Variants in CCDC186 observed in about 807,000 individuals in gnomAD.
CCDC186 encodes the protein coiled-coil domain-containing protein 186.
A neutral mutation model predicts 113.7 loss-of-function variants in CCDC186; 49 were observed. The ratio of observed to expected loss-of-function variants is 0.43; its 90% CI spans 0.34 to 0.55. The LOEUF is 0.55. Among genes scored for constraint, CCDC186 ranks in the 20% least tolerant of loss-of-function variants. CCDC186 has a pLI of 0.02. For synonymous variants in CCDC186, 355 were observed against 345.8 expected (o/e 1.03, Z -0.30); for missense variants, 890 against 1,011.1 (o/e 0.88, Z 1.62).
intron 3 of CCDC186, among the ~76,000 whole-genome samples, chr10:114,155,222 G>A (rs987383399): frequency 6.6e-5 from 10 of 152,100 alleles, no homozygotes; most frequent in Admixed American, 4.6e-4. Flanking sequence ...TGAACTGTGT[G>A]GAAAGTTAAT....
At chr10:114,170,722 A>G (rs190820339) in intron 1 of CCDC186, among the ~76,000 whole-genome samples, 3 of 152,260 alleles carry the variant, frequency 2.0e-5, no homozygotes, top group Admixed American at 2.0e-4. Context: ...TATGAGACCA[A>G]GGTTATTTAT....
At chr10:114,148,415 G>T (rs913153174) in intron 4 of CCDC186, among the ~76,000 whole-genome samples, 2 of 152,186 alleles carry the variant, frequency 1.3e-5, no homozygotes, top group Non-Finnish European at 2.9e-5. Flanking sequence ...GCCAATTAAG[G>T]TCTTTGGATT....
chr10:114,165,150 C>A (rs1272052991), intron 1 of CCDC186, among the ~76,000 whole-genome samples: 1 of 152,212 alleles, frequency 6.6e-6, no homozygotes, highest in Non-Finnish European at 1.5e-5. Flanking sequence ...AGCCATTGGC[C>A]TAAATACTCT....
At chr10:114,151,776 A>T (rs1456202898) in intron 3 of CCDC186, among the ~76,000 whole-genome samples, 1 of 152,166 alleles carries the variant, frequency 6.6e-6, no homozygotes, top group Non-Finnish European at 1.5e-5. Flanking sequence ...CTTAGCCCTT[A>T]ATTAATAAGT....
chr10:114,127,619 C>T lies in CCDC186; in HGVS notation c.2235G>A (p.Gly745=). ...GAAAGTTATCCACAGCTACTGAGGA[C>T]CCAGTATTTTCTGGAGATCGATCTT... ...SAEDRSPENT[G]SSVAVDNFPQ... The change falls in exon 14 of 16, where the codon GGG becomes GGA. Residue 745 remains glycine, a synonymous_variant. Transcript: ENST00000369287. 1 of 1,614,016 alleles carries T rather than the reference C, an allele frequency of 6.2e-7. No homozygotes were observed. The highest frequency in any genetic ancestry group is 8.5e-7 in the Non-Finnish European group (1 of 1,179,986).
chr10:114,173,012 C>T, intron 1 of CCDC186: 1 of 286,030 alleles, frequency 3.5e-6, no homozygotes, highest in Non-Finnish European at 7.3e-6. Context: ...TGAATGACTA[C>T]CAGCACACCT....
In CCDC186 at chr10:114,127,460, CTTTG is replaced by C; in HGVS notation, c.2390_2393del (p.Thr797LysfsTer2). The C allele has an allele frequency of 3.7e-6, 6 of 1,612,748 alleles. No homozygotes were observed. The highest frequency in any genetic ancestry group is 4.2e-6 in the Non-Finnish European group (5 of 1,179,128). On this transcript the variant is annotated frameshift_variant and splice_region_variant, in exon 14 of 16. Transcript: ENST00000369287. LOFTEE classifies it high-confidence loss of function. ...GATCATGCTACCGTAATAATACATA[CTTTG>C]TTTTTTTCCTAATTTCTTCCACCAG...
intron 6 of CCDC186, among the ~76,000 whole-genome samples, chr10:114,143,319 A>T (rs1277525071): frequency 1.3e-5 from 2 of 152,182 alleles, no homozygotes; most frequent in Non-Finnish European, 2.9e-5. Context: ...AGCACTCTGG[A>T]TGAAGATGAG....
At chr10:114,152,245 G>C (rs2031877961) in intron 3 of CCDC186, among the ~76,000 whole-genome samples, 1 of 152,028 alleles carries the variant, frequency 6.6e-6, no homozygotes, top group African/African-American at 2.4e-5. Flanking sequence ...AGGAGGCTGA[G>C]GCAGGAAGAT....
chr10:114,135,823 A>G, intron 9 of CCDC186, 68 bp downstream of exon 9: 1 of 1,261,862 alleles, frequency 7.9e-7, no homozygotes, highest in Non-Finnish European at 1.1e-6. Context: ...CCACTTTAAA[A>G]ATCAGAATGA....
At chr10:114,127,995 A>G (rs1031425245) in intron 13 of CCDC186, among the ~76,000 whole-genome samples, 12 of 152,290 alleles carry the variant, frequency 7.9e-5, no homozygotes, top group African/African-American at 2.9e-4. Flanking sequence ...GAACAGAGGT[A>G]TGAGAGGAGA....
intron 1 of CCDC186, among the ~76,000 whole-genome samples, chr10:114,166,692 G>T (rs950109057): frequency 1.3e-5 from 2 of 152,192 alleles, no homozygotes; most frequent in Admixed American, 1.3e-4. Flanking sequence ...ACAAATGAAG[G>T]TGGGGTCAAC....
At chr10:114,143,496 A>G (rs2031542093) in intron 6 of CCDC186, among the ~76,000 whole-genome samples, 1 of 152,186 alleles carries the variant, frequency 6.6e-6, no homozygotes, top group African/African-American at 2.4e-5. Context: ...TGAGCTCCAG[A>G]GACTGTCATC....
intron 4 of CCDC186, among the ~76,000 whole-genome samples, chr10:114,147,927 G>A (rs1293726809): frequency 1.3e-5 from 2 of 152,066 alleles, no homozygotes; most frequent in African/African-American, 4.8e-5. Context: ...CCAGGAGTTT[G>A]AGACCAGCCT....
chr10:114,165,078 A>G (rs1187136505), intron 1 of CCDC186, among the ~76,000 whole-genome samples: 1 of 152,270 alleles, frequency 6.6e-6, no homozygotes, highest in Non-Finnish European at 1.5e-5. Context: ...AAGGAAAAGT[A>G]GACCAGCTTG....
chr10:114,146,414 G>A (rs1165111231), intron 4 of CCDC186, among the ~76,000 whole-genome samples: 1 of 152,068 alleles, frequency 6.6e-6, no homozygotes, highest in Non-Finnish European at 1.5e-5. Flanking sequence ...TTTCTGCCAG[G>A]ACCCTGACTG....
intron 3 of CCDC186, among the ~76,000 whole-genome samples, chr10:114,151,998 T>A (rs2031870727): frequency 6.6e-6 from 1 of 152,184 alleles, no homozygotes. Flanking sequence ...AGTTTTGCTG[T>A]CACACCTCAA....
In CCDC186 at chr10:114,137,232, G is replaced by T. The variant is rs1252695935; in HGVS notation, c.1280C>A (p.Ala427Glu). ...CTGACAGTTTTTTCGTATCTGATCTGCTTCTTCCTTTGCTTGTGTTAATTT... is the reference window on the plus strand; with the variant it reads ...CTGACAGTTTTTTCGTATCTGATCTTCTTCTTCCTTTGCTTGTGTTAATTT... The part of the protein sequence containing the change: ...TTKLTQAKEE[A>E]DQIRKNCQDM... Residue 427 changes from alanine (A) to glutamate (E), a missense_variant, in exon 7 of 16, where the codon GCA (alanine) becomes GAA (glutamate). Physicochemically the swap from Ala to Glu is moderately radical, Grantham distance 107. Coordinates refer to ENST00000369287, the MANE Select transcript of CCDC186 (RefSeq NM_018017.4). 4.3e-6 allele frequency: 7 copies of T among 1,613,490 alleles called. No individual in the cohort carries two copies. The Admixed American group carries it at 6.7e-5, about 15-fold the overall frequency.
intron 12 of CCDC186, 116 bp downstream of exon 12, chr10:114,131,031 A>C (rs2031069781): frequency 1.1e-6 from 1 of 881,648 alleles, no homozygotes; most frequent in East Asian, 3.0e-5. Flanking sequence ...TGGTTTACTA[A>C]TATTAACAAA....
Sources: gnomAD v4.1 joint callset for allele counts (sites outside exome capture counted in the v4.1 genomes callset) on GRCh38, gnomAD v4.1.1 for gene constraint, MANE v1.5 for transcripts, NCBI Gene and HGNC (gene_info 2026-07-23, HGNC 2026-07-21) for gene names.